Variants in ASH1L observed in about 807,000 individuals in gnomAD.
ASH1L encodes the protein ASH1 like histone lysine methyltransferase, also known as histone-lysine N-methyltransferase ASH1L.
A neutral mutation model predicts 269.0 loss-of-function variants in ASH1L; 23 were observed. The observed-to-expected ratio is 0.09, with a 90% CI of 0.06 to 0.12. The LOEUF (loss-of-function observed/expected upper bound fraction) is 0.12, where lower values mean the gene tolerates loss of function less well. Ranked by LOEUF, ASH1L falls within the 10% of genes least tolerant of loss-of-function variation. ASH1L has a pLI of 1.00. For synonymous variants in ASH1L, 1,187 were observed against 1,253.5 expected, an observed-to-expected ratio of 0.95 and a Z score of 1.12; for missense variants, 2,912 against 3,567.8, an observed-to-expected ratio of 0.82 and a Z score of 4.68.
Position 155,478,690 on chromosome 1 carries a change from C to T in ASH1L, c.4180G>A (p.Ala1394Thr). The stretch of plus-strand genomic sequence containing the variant: ...CCATAGTAACCTAATCCTATGGGAG[C>T]AGCTGTAAGGGGTGAAGGAGAGTAA... ...MPYSPSPLTA[A>T]PIGLGYYGRY... The change falls in exon 3 of 28, where the codon GCT (alanine) becomes ACT (threonine). Residue 1394 changes from alanine to threonine, a missense_variant. By Grantham distance (58) the Ala-to-Thr change is moderately conservative (BLOSUM62 0). Around this residue, in one of 13 missense-constraint regions of ASH1L, gnomAD observed 789 missense variants for 897.6 expected, o/e 0.88. Coordinates refer to ENST00000392403, the MANE Select transcript of ASH1L (RefSeq NM_018489.3). This position sits in a 1 kb window ranked among gnomAD's most constrained non-coding sequence, Gnocchi z 4.6. The T allele has an allele frequency of 1.2e-6, 2 of 1,613,886 alleles. No homozygotes were observed. Among genetic ancestry groups the T allele is most frequent in the South Asian group, 1.1e-5 (1 of 91,064 alleles).
At chr1:155,499,439 A>T (rs1228740390) in intron 2 of ASH1L, among the ~76,000 whole-genome samples, 1 of 152,216 alleles carries the variant, frequency 6.6e-6, no homozygotes, top group Non-Finnish European at 1.5e-5. Context: ...CGAAAGAGGT[A>T]CAATTTTGAA....
chr1:155,469,036 T>G (rs978470897), intron 3 of ASH1L, among the ~76,000 whole-genome samples: 1 of 152,144 alleles, frequency 6.6e-6, no homozygotes, highest in African/African-American at 2.4e-5. Context: ...ATTTCCTAAC[T>G]TCCATTCCTC....
chr1:155,413,338 G>A (rs1659949782), intron 6 of ASH1L, among the ~76,000 whole-genome samples: 1 of 152,006 alleles, frequency 6.6e-6, no homozygotes, highest in South Asian at 2.1e-4. Flanking sequence ...AGGCATGGTG[G>A]CTCACGCCTG....
At chr1:155,390,648 T>A (rs1401759694) in intron 7 of ASH1L, among the ~76,000 whole-genome samples, 1 of 135,784 alleles carries the variant, frequency 7.4e-6, no homozygotes, top group Non-Finnish European at 1.6e-5. Context: ...CCCCCCCTTT[T>A]TTCTTTCTTT....
rs567771309 is a variant in ASH1L at position 155,451,688 on chromosome 1, C to G, written c.5086+8109G>C. On this transcript the variant is annotated intron_variant, in intron 4 of 27. Transcript: ENST00000392403. ...CAGGAGAATCGCTTGTACTTGGAAT[C>G]CAGCCTGGGCGACAGGAGCGAGACT... Among the ~76,000 whole-genome samples the G allele has an allele frequency of 5.9e-5, 9 of 151,538 alleles. No homozygotes were observed. The South Asian group carries it at 1.9e-3, about 32-fold the overall frequency.
intron 13 of ASH1L, among the ~76,000 whole-genome samples, chr1:155,359,031 G>A (rs1654699088): frequency 6.6e-6 from 1 of 152,164 alleles, no homozygotes; most frequent in Admixed American, 6.6e-5. Context: ...ATGGTGGGAA[G>A]ATTGCTTAAG....
rs1173825922 is a variant in ASH1L, at chr1:155,438,787, A to G, written c.5368T>C (p.Cys1790Arg). ...CTTCTCTTGATATGATGGGGGGAAC[A>G]GCTGCTTGTCAACTTTTCAGATAGG... Reference protein sequence around the residue: ...SLLSEKLTSSCSPHHIKRSVV... With the variant: ...SLLSEKLTSSRSPHHIKRSVV... The change falls in exon 5 of 28, where the codon TGT becomes CGT. Residue 1790 changes from cysteine to arginine, a missense_variant. Around this residue, in one of 13 missense-constraint regions of ASH1L, gnomAD observed 789 missense variants for 897.6 expected, o/e 0.88. Coordinates refer to ENST00000392403, the MANE Select transcript of ASH1L (RefSeq NM_018489.3). The G allele has an allele frequency of 2.5e-6, 4 of 1,614,076 alleles. No individual in the cohort carries two copies. The highest frequency in any genetic ancestry group is 2.7e-5 in the African/African-American group (2 of 74,930).
At chr1:155,348,899 A>AATATAT in intron 19 of ASH1L, among the ~76,000 whole-genome samples, 1 of 132,666 alleles carries the variant, frequency 7.5e-6, no homozygotes, top group East Asian at 2.3e-4. Context: ...AAAAAAAAAA[A>AATATAT]ATATATATAT....
At chr1:155,438,053 G>A (rs2148617227) in intron 5 of ASH1L, among the ~76,000 whole-genome samples, 1 of 152,198 alleles carries the variant, frequency 6.6e-6, no homozygotes, top group South Asian at 2.1e-4. Context: ...TTACCATGTT[G>A]GCCAGGCTGG....
chr1:155,387,738 A>G (rs1287477869), intron 7 of ASH1L, among the ~76,000 whole-genome samples: 1 of 152,156 alleles, frequency 6.6e-6, no homozygotes, highest in South Asian at 2.1e-4. Flanking sequence ...CAATATGGCC[A>G]TTTTAACGGT....
chr1:155,356,229 G>A (rs1243432130), intron 15 of ASH1L, among the ~76,000 whole-genome samples: 2 of 152,052 alleles, frequency 1.3e-5, no homozygotes, highest in Non-Finnish European at 1.5e-5. Flanking sequence ...GAGCCACTGC[G>A]CCCTGCCAAA....
chr1:155,516,272 A>G (rs1387895105), intron 2 of ASH1L, among the ~76,000 whole-genome samples: 1 of 152,218 alleles, frequency 6.6e-6, no homozygotes, highest in Non-Finnish European at 1.5e-5. Context: ...TATTTTCAGT[A>G]GCTAACTCAC....
chr1:155,392,982 C>T (rs1658067594), intron 7 of ASH1L, among the ~76,000 whole-genome samples: 1 of 152,092 alleles, frequency 6.6e-6, no homozygotes. Context: ...GCCACCGCGT[C>T]CAGCCTTGTT....
chr1:155,521,305 T>C lies in ASH1L; in HGVS notation c.215A>G (p.Gln72Arg), dbSNP rs146475561. ...KDDGLTDAQQQFSVKETNFSE... is the reference protein window; with the variant it reads ...KDDGLTDAQQRFSVKETNFSE... ...AAAGTTTGTTTCTTTCACTGAAAAC[T>C]GTTGCTGTGCATCAGTCAAACCATC... is the stretch of plus-strand genomic sequence containing the variant. The change falls in exon 2 of 28, where the codon CAG becomes CGG. Residue 72 changes from glutamine to arginine, a missense_variant. Coordinates refer to ENST00000392403, the MANE Select transcript of ASH1L (RefSeq NM_018489.3). The C allele has an allele frequency of 2.0e-5, 33 of 1,614,208 alleles. No individual in the cohort carries two copies. The African/African-American group carries it at 4.1e-4, about 20-fold the overall frequency.
At position 155,481,273 on chromosome 1, in the gene ASH1L, T is replaced by G. The variant is rs1304314961; in HGVS notation, c.1597A>C (p.Lys533Gln). 1 of 1,614,098 alleles carries G rather than the reference T, an allele frequency of 6.2e-7. No homozygotes were observed. Among genetic ancestry groups the G allele is most frequent in the Non-Finnish European group, 8.5e-7 (1 of 1,179,978 alleles). ...GATACATCAGAAGCACCTCCCATTT[T>G]AAAGTCCGGAGAAGTGCAATATACA... Reference protein sequence around the residue: ...PPVYCTSPDFKMGGASDVSTA... With the variant: ...PPVYCTSPDFQMGGASDVSTA... Residue 533 changes from lysine to glutamine, a missense_variant, in exon 3 of 28, where the codon AAA becomes CAA. Physicochemically the swap from Lys to Gln is moderately conservative, Grantham distance 53. Transcript: ENST00000392403.
intron 5 of ASH1L, among the ~76,000 whole-genome samples, chr1:155,432,136 A>G (rs1050237744): frequency 5.3e-5 from 8 of 152,052 alleles, no homozygotes; most frequent in Non-Finnish European, 1.0e-4. Flanking sequence ...TACAACCTCT[A>G]TCTGTATCCC....
At chr1:155,462,790 C>G (rs1664400376) in intron 3 of ASH1L, among the ~76,000 whole-genome samples, 1 of 152,154 alleles carries the variant, frequency 6.6e-6, no homozygotes, top group Non-Finnish European at 1.5e-5. Context: ...CAGAGCAGAG[C>G]TATTCTTAAC....
chr1:155,560,448 T>A (rs182110818), intron 1 of ASH1L, among the ~76,000 whole-genome samples: 3 of 152,314 alleles, frequency 2.0e-5, no homozygotes, highest in Admixed American at 2.0e-4. Context: ...TTCAAAGGAT[T>A]CCTTCAGCCC....
intron 4 of ASH1L, among the ~76,000 whole-genome samples, chr1:155,439,636 G>A (rs1011173374): frequency 2.6e-5 from 4 of 152,016 alleles, no homozygotes; most frequent in African/African-American, 9.7e-5. Context: ...GGAGGTCGAG[G>A]CTGCAGTGAG....
Sources: gnomAD v4.1 joint callset for allele counts (sites outside exome capture counted in the v4.1 genomes callset) on GRCh38, gnomAD v4.1.1 for gene constraint, gnomAD v4.1.1 regional missense constraint, Gnocchi (gnomAD v3.1) non-coding constraint, MANE v1.5 for transcripts, NCBI Gene and HGNC (gene_info 2026-07-23, HGNC 2026-07-21) for gene names.